NRG3: variants seen among roughly 807,000 people sequenced by gnomAD.
NRG3 encodes the protein neuregulin 3.
In NRG3, 31 loss-of-function variants were observed where a neutral mutation model predicts 66.9. That is an observed-to-expected ratio of 0.46 (90% CI 0.35 to 0.63). NRG3 has a LOEUF of 0.63. Among genes scored for constraint, NRG3 ranks in the 20% least tolerant of loss-of-function variants. The probability of loss-of-function intolerance (pLI) is 0.00; values close to 1 mark genes in which losing one functional copy is unlikely to be tolerated. For synonymous variants in NRG3, 393 were observed against 359.4 expected (o/e 1.09, Z -1.06); for missense variants, 910 against 878.9 (o/e 1.04, Z -0.45).
At chr10:82,374,114 G>A (rs942142496) in intron 2 of NRG3, among the ~76,000 whole-genome samples, 2 of 152,082 alleles carry the variant, frequency 1.3e-5, no homozygotes, top group South Asian at 2.1e-4. Context: ...TTTTTTAGAC[G>A]ACAAATTTGA....
intron 8 of NRG3, among the ~76,000 whole-genome samples, chr10:82,983,333 T>C (rs1243839742): frequency 6.6e-6 from 1 of 152,242 alleles, no homozygotes; most frequent in Non-Finnish European, 1.5e-5. Context: ...TTAGAACTTT[T>C]AGGCTCATAT....
chr10:82,558,255 T>G (rs1268716321), intron 2 of NRG3, among the ~76,000 whole-genome samples: 1 of 152,180 alleles, frequency 6.6e-6, no homozygotes, highest in Admixed American at 6.5e-5. Flanking sequence ...AGTCACCAGC[T>G]TGGCCATTAG....
chr10:82,135,344 A>G (rs1244698597), intron 1 of NRG3, among the ~76,000 whole-genome samples: 1 of 152,024 alleles, frequency 6.6e-6, no homozygotes, highest in African/African-American at 2.4e-5. Context: ...TCTGCTTGGC[A>G]TGCTGTAACT....
intron 2 of NRG3, among the ~76,000 whole-genome samples, chr10:82,456,846 G>A (rs889297773): frequency 1.9e-4 from 29 of 152,130 alleles, no homozygotes; most frequent in African/African-American, 6.3e-4. Flanking sequence ...GTCTGGCCAT[G>A]TCTAAGTGCT....
intron 1 of NRG3, among the ~76,000 whole-genome samples, chr10:82,255,413 T>C (rs1461093755): frequency 1.3e-5 from 2 of 152,178 alleles, no homozygotes; most frequent in Non-Finnish European, 2.9e-5. Flanking sequence ...CTGTGGACTT[T>C]AGTTGATAAC....
intron 1 of NRG3, among the ~76,000 whole-genome samples, chr10:82,223,809 G>A (rs2133805885): frequency 6.6e-6 from 1 of 152,158 alleles, no homozygotes; most frequent in Admixed American, 6.5e-5. Flanking sequence ...TAGTCAACTA[G>A]CAGGAGGGCA....
At chr10:82,012,215 TTGGG>T (rs1448292122) in intron 1 of NRG3, among the ~76,000 whole-genome samples, 5 of 152,352 alleles carry the variant, frequency 3.3e-5, no homozygotes, top group Non-Finnish European at 7.4e-5. Context: ...CTGCCATGGC[TTGGG>T]ATTTGCACCC....
At chr10:82,054,260 A>C (rs2063731585) in intron 1 of NRG3, among the ~76,000 whole-genome samples, 1 of 152,114 alleles carries the variant, frequency 6.6e-6, no homozygotes, top group African/African-American at 2.4e-5. Context: ...CTTTTTCAAT[A>C]ATTGAGGTGA....
intron 1 of NRG3, among the ~76,000 whole-genome samples, chr10:82,121,846 C>T (rs1370854329): frequency 1.3e-5 from 2 of 152,034 alleles, no homozygotes; most frequent in Admixed American, 6.6e-5. Flanking sequence ...CTGTGTTGCA[C>T]AGACTAGTTT....
chr10:82,328,025 C>T (rs2081959883), intron 1 of NRG3, among the ~76,000 whole-genome samples: 2 of 152,250 alleles, frequency 1.3e-5, no homozygotes, highest in South Asian at 4.1e-4. Flanking sequence ...GTCCTGTCTC[C>T]AAAAACAGTC....
chr10:82,333,060 G>A (rs931632989), intron 1 of NRG3, among the ~76,000 whole-genome samples: 2 of 152,190 alleles, frequency 1.3e-5, no homozygotes, highest in Admixed American at 6.5e-5. Flanking sequence ...AAAACAGTCT[G>A]TTCACAAAGA....
chr10:82,682,220 A>G (rs900466064), intron 2 of NRG3, among the ~76,000 whole-genome samples: 81 of 152,338 alleles, frequency 5.3e-4, no homozygotes, highest in African/African-American at 1.9e-3. Flanking sequence ...AGGTACCCTT[A>G]GACTGGATAC....
At chr10:82,416,582 G>A (rs745862215) in intron 2 of NRG3, among the ~76,000 whole-genome samples, 5 of 152,130 alleles carry the variant, frequency 3.3e-5, no homozygotes, top group Admixed American at 6.5e-5. Context: ...CCTTTGCCTG[G>A]ATTCACTTGA....
intron 1 of NRG3, among the ~76,000 whole-genome samples, chr10:82,110,982 G>C (rs2067352394): frequency 1.3e-5 from 2 of 152,176 alleles, no homozygotes; most frequent in South Asian, 4.1e-4. Context: ...TGTTACCAAA[G>C]AGGATTATAG....
At chr10:82,009,400 G>T (rs562903465) in intron 1 of NRG3, among the ~76,000 whole-genome samples, 1 of 152,140 alleles carries the variant, frequency 6.6e-6, no homozygotes, top group African/African-American at 2.4e-5. Flanking sequence ...TGTTCTTGGG[G>T]TCCTTAGGGA....
rs184222041 is a variant in NRG3 at position 82,033,204 on chromosome 10, C to T, written c.823+157041C>T. Among the ~76,000 whole-genome samples the T allele has an allele frequency of 1.1e-3, 166 of 152,222 alleles. 1 individual carries two copies. Among genetic ancestry groups the T allele is most frequent in the African/African-American group, 3.9e-3 (164 of 41,562 alleles). ...ATTTCTATAGGAATATTATTTTTTG[C>T]ATTGCTAATGGCTATTGACAACTTA... On this transcript the variant is annotated intron_variant, in intron 1 of 8. Coordinates refer to ENST00000372141, the MANE Select transcript of NRG3 (RefSeq NM_001010848.4).
At chr10:82,079,632 T>A (rs190647029) in intron 1 of NRG3, among the ~76,000 whole-genome samples, 1 of 152,178 alleles carries the variant, frequency 6.6e-6, no homozygotes, top group Non-Finnish European at 1.5e-5. Context: ...TTCATCCCTC[T>A]CCACCCCCAA....
intron 3 of NRG3, among the ~76,000 whole-genome samples, chr10:82,791,155 C>T (rs977802573): frequency 6.6e-6 from 1 of 152,044 alleles, no homozygotes; most frequent in African/African-American, 2.4e-5. Context: ...CCTGCCCCCA[C>T]ATGGGTTTAC....
rs1017699045 is a variant in NRG3 at position 82,754,248 on chromosome 10, G to A, written c.1027+15598G>A. Among the ~76,000 whole-genome samples, 5 of 151,294 alleles carry A rather than the reference G, an allele frequency of 3.3e-5. No individual in the cohort carries two copies. In the South Asian group the frequency reaches 6.2e-4, roughly 19 times the overall value. On this transcript the variant is annotated intron_variant, in intron 3 of 8. Transcript: ENST00000372141. ...TGGTTCTATTTCTATTCTGTTCTAT[G>A]GATCCATATATTTGTACATCATTAT...
Sources: allele counts gnomAD v4.1 joint callset (sites outside exome capture counted in the v4.1 genomes callset), GRCh38; gene constraint gnomAD v4.1.1; transcripts MANE v1.5; gene names NCBI Gene and HGNC (gene_info 2026-07-23, HGNC 2026-07-21).